Variants in TJAP1 observed in about 807,000 individuals in gnomAD.
TJAP1 encodes tight junction-associated protein 1.
In TJAP1, 27 loss-of-function variants were observed where a neutral mutation model predicts 42.0. That is an observed-to-expected ratio of 0.64 (90% confidence interval 0.47 to 0.89). TJAP1 has a LOEUF of 0.89. Among genes scored for constraint, TJAP1 ranks in the 40% least tolerant of loss-of-function variants. TJAP1 has a pLI of 0.00. For synonymous variants in TJAP1, 257 were observed against 288.4 expected (o/e 0.89, Z 1.10); for missense variants, 712 against 726.9 (o/e 0.98, Z 0.24).
chr6:43,480,812 G>A (rs938490253), intron 2 of TJAP1, among the ~76,000 whole-genome samples: 2 of 152,134 alleles, frequency 1.3e-5, no homozygotes, highest in African/African-American at 2.4e-5. Flanking sequence ...CACCGTGCCT[G>A]GCCAATTAAT....
intron 6 of TJAP1, 33 bp downstream of exon 6, chr6:43,501,720 A>G (rs1790607858): frequency 1.6e-6 from 1 of 623,402 alleles, no homozygotes; most frequent in African/African-American, 2.1e-5. Context: ...ACACACACAC[A>G]CACACACACA....
Position 43,488,220 on chromosome 6 carries a change from A to G in TJAP1, c.-121-9661A>G, listed in dbSNP as rs1786995600. On this transcript the variant is annotated intron_variant, in intron 2 of 10. Transcript: ENST00000372449. ...TAGACATTCCTCACCAAAACTCAAT[A>G]TTAATACAGACTCTTCTTCAGCTTT... is the stretch of plus-strand genomic sequence containing the variant. Among the ~76,000 whole-genome samples, 3 of 151,638 alleles carry G rather than the reference A, an allele frequency of 2.0e-5. No homozygotes were observed. In the South Asian group the frequency reaches 6.2e-4, roughly 32 times the overall value.
chr6:43,503,776 G>A lies in TJAP1; in HGVS notation c.579+70G>A, dbSNP rs759011897. On this transcript the variant is annotated intron_variant, in intron 10 of 10. Transcript: ENST00000372449. ...CCACTGTAGGACTCCTCTAACTCCA[G>A]TTTCTGCACCTCTCTCTGTCCTCCT... 8 of 1,349,952 alleles carry A rather than the reference G, an allele frequency of 5.9e-6. No individual in the cohort carries two copies. The South Asian group carries it at 9.4e-5, about 16-fold the overall frequency. 83.6% of individuals were successfully genotyped at this position (1,349,952 alleles called of 1,614,324 possible). A position where few individuals can be genotyped will look rare whatever the true frequency, so the allele number is the denominator to read the frequency against.
At chr6:43,501,733 C>G (rs1790613828) in intron 6 of TJAP1, 46 bp downstream of exon 6, 2 of 687,936 alleles carry the variant, frequency 2.9e-6, no homozygotes, top group Middle Eastern at 3.8e-4. Flanking sequence ...CACACACACA[C>G]ACACACACAC....
intron 2 of TJAP1, among the ~76,000 whole-genome samples, chr6:43,487,456 T>C (rs2127510816): frequency 6.6e-6 from 1 of 152,278 alleles, no homozygotes; most frequent in East Asian, 1.9e-4. Flanking sequence ...TGTGGCTTCC[T>C]GGAAAAGAGC....
At chr6:43,496,791 G>A (rs150376216) in intron 2 of TJAP1, among the ~76,000 whole-genome samples, 24 of 152,302 alleles carry the variant, frequency 1.6e-4, no homozygotes, top group African/African-American at 5.5e-4. Flanking sequence ...TGTTTTTTCT[G>A]CCCAGAAGGC....
In TJAP1 at chr6:43,485,803, C is replaced by T. The variant is rs116948549; in HGVS notation, c.-122+7571C>T. Among the ~76,000 whole-genome samples, 31 of 152,312 alleles carry T rather than the reference C, an allele frequency of 2.0e-4. No homozygotes were observed. In the East Asian group the frequency reaches 6.0e-3, roughly 29 times the overall value. On this transcript the variant is annotated intron_variant, in intron 2 of 10. Transcript: ENST00000372449. ...TCAGTGGGATTAAAGAAGATGGAAT[C>T]TATCTGGCAAAACCTTTTGCACCCT... is the stretch of plus-strand genomic sequence containing the variant.
chr6:43,491,344 G>A lies in TJAP1; in HGVS notation c.-121-6537G>A, dbSNP rs1787782301. Among the ~76,000 whole-genome samples the A allele has an allele frequency of 6.6e-6, 1 of 152,212 alleles. No individual in the cohort carries two copies. Among genetic ancestry groups the A allele is most frequent in the Non-Finnish European group, 1.5e-5 (1 of 68,044 alleles). On this transcript the variant is annotated intron_variant, in intron 2 of 10. Coordinates refer to ENST00000372449, the Ensembl canonical transcript of TJAP1. This position sits in a 1 kb window ranked among gnomAD's most constrained non-coding sequence, Gnocchi z 4.6. Reference sequence around the variant, plus strand: ...TCGCTCTTGTTGCCCAGGCTGGAGTGCAATGGCACGATCTCGGCTTTCTGC... The same window carrying A: ...TCGCTCTTGTTGCCCAGGCTGGAGTACAATGGCACGATCTCGGCTTTCTGC...
rs183957434 is a variant in TJAP1, at chr6:43,503,929, G to C, written c.579+223G>C. On this transcript the variant is annotated intron_variant, in intron 10 of 10. Transcript: ENST00000372449. Reference sequence around the variant, plus strand: ...TGGGGGGCCAGCCCTGTTGGTTTCTGTAACAGAGACAGAGAGAGAAGATCC... The same window carrying C: ...TGGGGGGCCAGCCCTGTTGGTTTCTCTAACAGAGACAGAGAGAGAAGATCC... 2.8e-5 allele frequency: 20 copies of C among 702,148 alleles called. No individual in the cohort carries two copies. In the Admixed American group the frequency reaches 4.0e-4, roughly 14 times the overall value. 43.5% of individuals were successfully genotyped at this position (702,148 alleles called of 1,614,324 possible).
intron 2 of TJAP1, among the ~76,000 whole-genome samples, chr6:43,482,138 C>T (rs1442756340): frequency 6.6e-6 from 1 of 152,208 alleles, no homozygotes; most frequent in East Asian, 1.9e-4. Context: ...AGTCAGCGTG[C>T]TGAAACGTGT....
chr6:43,502,072 A>ACTCTCTCTCT lies in TJAP1; in HGVS notation c.291-210_291-209insTCTCTCTCTC, dbSNP rs1319116155. ...GACACACACACACACACACACACAC[A>ACTCTCTCTCT]CACACTCTCTCTCTCTCTCTCTCTC... On this transcript the variant is annotated intron_variant, in intron 6 of 10. Coordinates refer to ENST00000372449, the Ensembl canonical transcript of TJAP1. Among the ~76,000 whole-genome samples, 7 of 117,222 alleles carry ACTCTCTCTCT rather than the reference A, an allele frequency of 6.0e-5. 1 individual carries two copies. The highest frequency in any genetic ancestry group is 2.8e-4 in the African/African-American group (6 of 21,756). The allele number at this position is 117,222 out of a possible 152,430, so 76.9% of individuals were successfully genotyped here.
chr6:43,502,213 G>A (rs1339049677), intron 6 of TJAP1, 70 bp from the exon 7 acceptor site: 6 of 1,522,024 alleles, frequency 3.9e-6, no homozygotes, highest in Non-Finnish European at 4.5e-6. Flanking sequence ...ATCCCCTATC[G>A]GGGAGGCTGA....
intron 2 of TJAP1, among the ~76,000 whole-genome samples, chr6:43,481,709 C>T (rs1052592893): frequency 5.9e-5 from 9 of 152,178 alleles, no homozygotes; most frequent in African/African-American, 1.9e-4. Context: ...GGTGCTCAGT[C>T]TCTCCCTTTA....
At chr6:43,503,537 C>T (rs1007917450) in intron 9 of TJAP1, 29 bp downstream of exon 9, 1 of 1,611,366 alleles carries the variant, frequency 6.2e-7, no homozygotes. Context: ...TCGGGCCTTC[C>T]TCACCTGGGG....
chr6:43,482,896 G>A (rs2127475001), intron 2 of TJAP1, among the ~76,000 whole-genome samples: 1 of 152,312 alleles, frequency 6.6e-6, no homozygotes. Flanking sequence ...GGCTGAGGTA[G>A]GTGAATCACG....
chr6:43,503,728 C>T lies in TJAP1; in HGVS notation c.579+22C>T, dbSNP rs375491965. ...CGATGTGAGTAGAACTCACCCCCTC[C>T]CTGCCCACATAGACCATTCCGGCCA... On this transcript the variant is annotated intron_variant, in intron 10 of 10. Coordinates refer to ENST00000372449, the Ensembl canonical transcript of TJAP1. The T allele has an allele frequency of 1.9e-6, 3 of 1,607,532 alleles. No individual in the cohort carries two copies. The African/African-American group carries it at 4.0e-5, about 21-fold the overall frequency.
intron 2 of TJAP1, chr6:43,489,525 T>A (rs1787327898): frequency 6.6e-6 from 1 of 152,630 alleles, no homozygotes; most frequent in Admixed American, 6.5e-5. Context: ...TGGACTCTGC[T>A]GGCACTGGTG....
chr6:43,478,156 A>C (rs963094552), exon 2 of TJAP1: 33 of 152,396 alleles, frequency 2.2e-4, no homozygotes, highest in African/African-American at 7.9e-4. Context: ...CAGGTGCCCC[A>C]GGGACTGGAA....
At position 43,505,013 on chromosome 6, in the gene TJAP1, C is replaced by T; in HGVS notation, c.832C>T (p.Pro278Ser). Residue 278 changes from proline (P) to serine (S), a missense_variant, in exon 11 of 11, where the codon CCG becomes TCG. By Grantham distance (74) the Pro-to-Ser change is moderately conservative. Coordinates refer to ENST00000372449, the Ensembl canonical transcript of TJAP1. This position sits in a 1 kb window ranked among gnomAD's most constrained non-coding sequence, Gnocchi z 5.5. ...TGTCCCAGGTGATCCAGCCAGTCCC[C>T]CGGCCCCTGGCAGCCCCACCCCACA... The T allele has an allele frequency of 1.2e-6, 2 of 1,614,102 alleles. No homozygotes were observed. Among genetic ancestry groups the T allele is most frequent in the East Asian group, 2.2e-5 (1 of 44,882 alleles).
Sources: gnomAD v4.1 joint callset for allele counts (sites outside exome capture counted in the v4.1 genomes callset) on GRCh38, gnomAD v4.1.1 for gene constraint, Gnocchi (gnomAD v3.1) non-coding constraint, MANE v1.5 for transcripts, NCBI Gene and HGNC (gene_info 2026-07-23, HGNC 2026-07-21) for gene names.